The following ARFGAP2 variants were observed in gnomAD, a reference collection of about 807,000 sequenced individuals.
ARFGAP2 encodes the protein ARF GTPase activating protein 2.
A neutral mutation model predicts 71.9 loss-of-function variants in ARFGAP2; 45 were observed. The observed-to-expected ratio is 0.63, with a 90% CI of 0.49 to 0.80. ARFGAP2 has a LOEUF of 0.80. ARFGAP2 is among the 30% of genes least tolerant of loss of function. The pLI is 0.00. For missense variants in ARFGAP2, 633 were observed against 673.9 expected, an observed-to-expected ratio of 0.94 and a Z score of 0.67; for synonymous variants, 248 against 249.2, an observed-to-expected ratio of 1.00 and a Z score of 0.05.
intron 3 of ARFGAP2, chr11:47,175,629 C>T: frequency 1.6e-6 from 1 of 634,878 alleles, no homozygotes; most frequent in Non-Finnish European, 2.7e-6. Flanking sequence ...CTCCCAACTC[C>T]TGTGGCTTTT....
Position 47,166,876 on chromosome 11 carries a change from G to A in ARFGAP2, c.1216C>T (p.Arg406Trp), listed in dbSNP as rs35950498. 2,266 of 1,613,546 alleles carry A rather than the reference G, an allele frequency of 1.4e-3. 21 individuals carry two copies. The African/African-American group carries it at 0.018, about 13-fold the overall frequency. Residue 406 changes from arginine to tryptophan, a missense_variant, in exon 13 of 16, where the codon CGG becomes TGG. Physicochemically the swap from Arg to Trp is moderately radical, Grantham distance 101. Coordinates refer to ENST00000524782, the MANE Select transcript of ARFGAP2 (RefSeq NM_032389.6). ...GAGCTCCGGCTCTCCACTTCCCTCC[G>A]GTTTGTGGCTCTGAGGGGAAGATGT... Reference protein sequence around the residue: ...IRPISERATNRREVESRSSGL... With the variant: ...IRPISERATNWREVESRSSGL...
At chr11:47,172,878 T>G in intron 7 of ARFGAP2, 2 of 892,738 alleles carry the variant, frequency 2.2e-6, no homozygotes, top group South Asian at 2.9e-5. Flanking sequence ...CATGGATCAG[T>G]CTGACAGTCA....
In ARFGAP2 at chr11:47,176,877, C is replaced by T. The variant is rs775542993; in HGVS notation, c.-24G>A. On this transcript the variant is annotated 5_prime_UTR_variant, in exon 1 of 16. Transcript: ENST00000524782. ...ATTTTCTCTCCTTCCCAGACACAAC[C>T]GCGGCTGACGGGTCCCGCCGCGGGC... is the stretch of plus-strand genomic sequence containing the variant. 1.9e-6 allele frequency: 3 copies of T among 1,606,636 alleles called. No individual in the cohort carries two copies. The highest frequency in any genetic ancestry group is 1.7e-4 in the Middle Eastern group (1 of 6,026).
intron 8 of ARFGAP2, 72 bp downstream of exon 8, chr11:47,172,209 G>T: frequency 6.8e-7 from 1 of 1,465,710 alleles, no homozygotes; most frequent in Non-Finnish European, 9.5e-7. Context: ...TAAGTGGTAA[G>T]GTCAAGGAGT....
rs113294444 is a variant in ARFGAP2, at chr11:47,175,071, C to G, written c.424G>C (p.Val142Leu). ...DLWIDNMSSA[V>L]PNHSPEKKDS... Reference sequence around the variant, plus strand: ...TTCTTCTCTGGGGAGTGATTAGGAACGGCACTACTCATGTTGTCTATCCAA... The same window carrying G: ...TTCTTCTCTGGGGAGTGATTAGGAAGGGCACTACTCATGTTGTCTATCCAA... The change falls in exon 5 of 16, where the codon GTT becomes CTT. Residue 142 changes from valine (V) to leucine (L), a missense_variant. Val to Leu is a conservative substitution (Grantham distance 32). Transcript: ENST00000524782. 1 of 1,614,138 alleles carries G rather than the reference C, an allele frequency of 6.2e-7. No individual in the cohort carries two copies. Among genetic ancestry groups the G allele is most frequent in the Non-Finnish European group, 8.5e-7 (1 of 1,180,038 alleles).
rs1465382545 is a variant in ARFGAP2 at position 47,171,497 on chromosome 11, C to A, written c.870G>T (p.Lys290Asn). Residue 290 changes from lysine (K) to asparagine (N), a missense_variant, in exon 10 of 16, where the codon AAG (lysine) becomes AAT (asparagine). Lys to Asn is a moderately conservative substitution (Grantham distance 94, BLOSUM62 0). Transcript: ENST00000524782. The stretch of plus-strand genomic sequence containing the variant: ...TCTTCCCTTCCAGATTCTGTAGCTT[C>A]TTTTCCTCTTTCTTACGATCAATCT... ...ELQIDRKKEE[K>N]KLQNLEGKKR... is the part of the protein sequence containing the mutation. 3 of 1,614,110 alleles carry A rather than the reference C, an allele frequency of 1.9e-6. No homozygotes were observed. The African/African-American group carries it at 4.0e-5, about 22-fold the overall frequency.
In ARFGAP2 at chr11:47,165,334, T is replaced by C. The variant is rs1590940715; in HGVS notation, c.*148A>G. The stretch of plus-strand genomic sequence containing the variant: ...GTACTGACCATTCCCCTCACAGGAG[T>C]GAGCGCCTCAAAGGCCACCCCACAC... On this transcript the variant is annotated 3_prime_UTR_variant, in exon 16 of 16. Coordinates refer to ENST00000524782, the MANE Select transcript of ARFGAP2 (RefSeq NM_032389.6). 4 of 944,602 alleles carry C rather than the reference T, an allele frequency of 4.2e-6. No individual in the cohort carries two copies. The highest frequency in any genetic ancestry group is 2.7e-5 in the Admixed American group (1 of 37,654). The allele number at this position is 944,602 out of a possible 1,614,324, so 58.5% of individuals were successfully genotyped here.
At chr11:47,174,104 G>C (rs1952700694) in intron 5 of ARFGAP2, 2 of 564,594 alleles carry the variant, frequency 3.5e-6, no homozygotes, top group Non-Finnish European at 6.3e-6. Flanking sequence ...CCACCACCTA[G>C]GCAGGCACAG....
rs748135310 is a variant in ARFGAP2 at position 47,176,867 on chromosome 11, C to T, written c.-14G>A. 2 of 1,611,588 alleles carry T rather than the reference C, an allele frequency of 1.2e-6. No homozygotes were observed. Among genetic ancestry groups the T allele is most frequent in the African/African-American group, 2.7e-5 (2 of 74,922 alleles). On this transcript the variant is annotated 5_prime_UTR_variant, in exon 1 of 16. Coordinates refer to ENST00000524782, the MANE Select transcript of ARFGAP2 (RefSeq NM_032389.6). ...CTCCGCCGCCATTTTCTCTCCTTCC[C>T]AGACACAACCGCGGCTGACGGGTCC...
intron 10 of ARFGAP2, 24 bp from the exon 11 acceptor site, chr11:47,168,275 C>T (rs1301647563): frequency 1.2e-6 from 2 of 1,613,562 alleles, no homozygotes; most frequent in Admixed American, 3.3e-5. Flanking sequence ...CAGAGCCAGG[C>T]ATGAGACCAA....
rs1413666492 is a variant in ARFGAP2 at position 47,166,843 on chromosome 11, C to T, written c.1249G>A (p.Glu417Lys). Residue 417 changes from glutamate (E) to lysine (K), a missense_variant, in exon 13 of 16, where the codon GAG becomes AAG. By Grantham distance (56) the Glu-to-Lys change is moderately conservative (BLOSUM62 1). Coordinates refer to ENST00000524782, the MANE Select transcript of ARFGAP2 (RefSeq NM_032389.6). ...REVESRSSGL[E>K]SSEARQKFAG... ...AATTTCTGACGCGCCTCACTAGACTCGAGGCCTGAGCTCCGGCTCTCCACT... is the reference window on the plus strand; with the variant it reads ...AATTTCTGACGCGCCTCACTAGACTTGAGGCCTGAGCTCCGGCTCTCCACT... 9.3e-6 allele frequency: 15 copies of T among 1,613,900 alleles called. No homozygotes were observed. In the Admixed American group the frequency reaches 1.0e-4, roughly 11 times the overall value.
In ARFGAP2 at chr11:47,166,894, G is replaced by A. The variant is rs1215519344; in HGVS notation, c.1206-8C>T. 1.2e-6 allele frequency: 2 copies of A among 1,612,104 alleles called. No homozygotes were observed. The highest frequency in any genetic ancestry group is 1.3e-5 in the African/African-American group (1 of 75,050). Reference sequence around the variant, plus strand: ...TCCCTCCGGTTTGTGGCTCTGAGGGGAAGATGTGGAATATCTCGGACTCCT... The same window carrying A: ...TCCCTCCGGTTTGTGGCTCTGAGGGAAAGATGTGGAATATCTCGGACTCCT... On this transcript the variant is annotated splice_polypyrimidine_tract_variant and splice_region_variant and intron_variant, in intron 12 of 15. Coordinates refer to ENST00000524782, the MANE Select transcript of ARFGAP2 (RefSeq NM_032389.6).
Position 47,175,032 on chromosome 11 carries a change from A to G in ARFGAP2, c.463T>C (p.Phe155Leu). The G allele has an allele frequency of 6.2e-7, 1 of 1,614,236 alleles. No homozygotes were observed. Among genetic ancestry groups the G allele is most frequent in the Non-Finnish European group, 8.5e-7 (1 of 1,180,030 alleles). Residue 155 changes from phenylalanine (F) to leucine (L), a missense_variant, in exon 5 of 16, where the codon TTC becomes CTC. By Grantham distance (22) the Phe-to-Leu change is conservative. Transcript: ENST00000524782. ...GCACTCACTTGAGTGTGTTCTGTGA[A>G]GAAATCAGAGTCCTTCTTCTCTGGG... ...HSPEKKDSDF[F>L]TEHTQPPAWD... is the part of the protein sequence containing the mutation.
Position 47,175,836 on chromosome 11 carries a change from TAGAA to T in ARFGAP2, c.264+11_264+14del. 1 of 1,613,658 alleles carries T rather than the reference TAGAA, an allele frequency of 6.2e-7. No homozygotes were observed. The highest frequency in any genetic ancestry group is 8.5e-7 in the Non-Finnish European group (1 of 1,179,698). Reference sequence around the variant, plus strand: ...GCAGAAGAATGGAAGGTGAGGGAAGTAGAAGGAGCTTTACCGCATTGGCATTCCC... The same window carrying T: ...GCAGAAGAATGGAAGGTGAGGGAAGTGGAGCTTTACCGCATTGGCATTCCC... On this transcript the variant is annotated intron_variant, in intron 3 of 15. Transcript: ENST00000524782.
chr11:47,174,613 T>C (rs1358142323), intron 5 of ARFGAP2: 5 of 175,798 alleles, frequency 2.8e-5, no homozygotes, highest in Non-Finnish European at 2.5e-5. Context: ...GCCAGGATGG[T>C]CTCGATCTCC....
At chr11:47,175,490 T>G (rs924098262) in intron 3 of ARFGAP2, 177 bp from the exon 4 acceptor site, 1 of 971,048 alleles carries the variant, frequency 1.0e-6, no homozygotes, top group Admixed American at 2.1e-5. Context: ...AAAAACACCT[T>G]GCAGCGGGCC....
chr11:47,173,957 G>A lies in ARFGAP2; in HGVS notation c.481-117C>T, dbSNP rs1195740815. 3.3e-6 allele frequency: 5 copies of A among 1,519,142 alleles called. No individual in the cohort carries two copies. The South Asian group carries it at 6.0e-5, about 18-fold the overall frequency. 94.1% of individuals were successfully genotyped at this position (1,519,142 alleles called of 1,614,324 possible). A position where few individuals can be genotyped will look rare whatever the true frequency, so the allele number is the denominator to read the frequency against. ...CATACTCCAAACCCATGAGGAAAGG[G>A]ACTGGAGGGTAGCAAACAAGATCAC... On this transcript the variant is annotated intron_variant, in intron 5 of 15. Transcript: ENST00000524782.
In ARFGAP2 at chr11:47,168,109, G is replaced by A. The variant is rs376762616; in HGVS notation, c.1070+14C>T. ...AACACAGCAGCCAAGTTTACAGCTA[G>A]AAAACAGCCTTACTTTGGGGGTCCA... On this transcript the variant is annotated intron_variant, in intron 11 of 15. Transcript: ENST00000524782. The A allele has an allele frequency of 1.2e-6, 2 of 1,614,100 alleles. No homozygotes were observed. Among genetic ancestry groups the A allele is most frequent in the African/African-American group, 1.3e-5 (1 of 74,936 alleles).
chr11:47,171,819 A>C lies in ARFGAP2; in HGVS notation c.673-19T>G. The C allele has an allele frequency of 6.2e-7, 1 of 1,612,042 alleles. No homozygotes were observed. The highest frequency in any genetic ancestry group is 8.5e-7 in the Non-Finnish European group (1 of 1,179,950). ...CACCCAGCTGGGAACAGAATCATGTAAGGGGCCTTCCCAATCACACTCTCC... is the reference window on the plus strand; with the variant it reads ...CACCCAGCTGGGAACAGAATCATGTCAGGGGCCTTCCCAATCACACTCTCC... On this transcript the variant is annotated intron_variant, in intron 8 of 15. Transcript: ENST00000524782.
Sources: gnomAD v4.1 joint callset for allele counts on GRCh38, gnomAD v4.1.1 for gene constraint, MANE v1.5 for transcripts, NCBI Gene and HGNC (gene_info 2026-07-23, HGNC 2026-07-21) for gene names.